The following PUM1 variants were observed in gnomAD, a reference collection of about 807,000 sequenced individuals.
PUM1 encodes pumilio homolog 1.
In PUM1, 13 loss-of-function variants were observed where a neutral mutation model predicts 131.8. The ratio of observed to expected loss-of-function variants is 0.10; its 90% CI spans 0.06 to 0.16. The LOEUF (loss-of-function observed/expected upper bound fraction) is 0.16. Among genes scored for constraint, PUM1 ranks in the 10% least tolerant of loss-of-function variants. The pLI is 1.00. For synonymous variants in PUM1, 509 were observed against 556.5 expected, an observed-to-expected ratio of 0.91 and a Z score of 1.20; for missense variants, 961 against 1,512.4, an observed-to-expected ratio of 0.64 and a Z score of 6.05.
intron 4 of PUM1, 136 bp from the exon 5 acceptor site, chr1:31,006,167 C>A: frequency 1.7e-6 from 1 of 604,314 alleles, no homozygotes; most frequent in Non-Finnish European, 2.8e-6. Context: ...TCATGTCCCT[C>A]ACTGTATGAT....
At chr1:31,034,368 C>G (rs1643536350) in intron 2 of PUM1, among the ~76,000 whole-genome samples, 1 of 152,088 alleles carries the variant, frequency 6.6e-6, no homozygotes, top group Non-Finnish European at 1.5e-5. Flanking sequence ...AACAAATGTA[C>G]AGGCTCACAC....
At chr1:31,055,082 C>T (rs905951988) in intron 2 of PUM1, among the ~76,000 whole-genome samples, 1 of 152,174 alleles carries the variant, frequency 6.6e-6, no homozygotes, top group Non-Finnish European at 1.5e-5. Flanking sequence ...TTTCCGTTAT[C>T]ATCAGTGGTT....
chr1:31,017,834 CAGT>C (rs1409757212), intron 3 of PUM1, among the ~76,000 whole-genome samples: 14 of 152,118 alleles, frequency 9.2e-5, no homozygotes, highest in Non-Finnish European at 1.8e-4. Flanking sequence ...CAATAGGCAA[CAGT>C]AGTAACATTA....
chr1:30,957,087 T>TACACACACACACAC (rs58044891), intron 14 of PUM1, among the ~76,000 whole-genome samples: 4,213 of 139,862 alleles, frequency 0.03, 89 homozygotes, highest in South Asian at 0.048. Flanking sequence ...AGGACATTCA[T>TACACACACACACAC]ACACACACAC....
intron 2 of PUM1, among the ~76,000 whole-genome samples, chr1:31,045,892 G>C (rs1285359123): frequency 2.6e-5 from 4 of 152,052 alleles, no homozygotes; most frequent in Non-Finnish European, 4.4e-5. Context: ...GACCAGCCTG[G>C]TCAACATGGC....
intron 4 of PUM1, among the ~76,000 whole-genome samples, chr1:31,006,660 G>C (rs1642410356): frequency 6.6e-6 from 1 of 152,172 alleles, no homozygotes. Context: ...GGGAGAAAAA[G>C]AAACATGAAC....
At chr1:31,042,364 G>T (rs892338174) in intron 2 of PUM1, among the ~76,000 whole-genome samples, 1 of 151,834 alleles carries the variant, frequency 6.6e-6, no homozygotes, top group Non-Finnish European at 1.5e-5. Flanking sequence ...ATTGCCTCTA[G>T]ATCTCATTGA....
chr1:30,936,866 T>G (rs889987766), intron 20 of PUM1, 31 bp from the exon 21 acceptor site: 1 of 1,541,028 alleles, frequency 6.5e-7, no homozygotes, highest in Admixed American at 1.8e-5. Context: ...GGACAACTCT[T>G]ACAAGAGAGG....
chr1:30,955,537 G>T lies in PUM1; in HGVS notation c.2324-1556C>A, dbSNP rs10914238. Among the ~76,000 whole-genome samples, 1,260 of 151,322 alleles carry T rather than the reference G, an allele frequency of 8.3e-3. 20 individuals carry two copies. The highest frequency in any genetic ancestry group is 0.029 in the African/African-American group (1,206 of 41,266). On this transcript the variant is annotated intron_variant, in intron 14 of 21. Coordinates refer to ENST00000426105, the MANE Select transcript of PUM1 (RefSeq NM_001020658.2). Reference sequence around the variant, plus strand: ...CTTATTTTATTTCATTTTAAATTTTGATTGCAATAGAAAAAAGATGCCAAG... The same window carrying T: ...CTTATTTTATTTCATTTTAAATTTTTATTGCAATAGAAAAAAGATGCCAAG...
chr1:31,054,947 G>T (rs549491090), intron 2 of PUM1, among the ~76,000 whole-genome samples: 3 of 152,058 alleles, frequency 2.0e-5, no homozygotes, highest in Non-Finnish European at 4.4e-5. Context: ...CAAAAACCAG[G>T]TATTACCTGG....
At chr1:30,999,381 C>A (rs144384071) in intron 5 of PUM1, among the ~76,000 whole-genome samples, 1 of 151,862 alleles carries the variant, frequency 6.6e-6, no homozygotes, top group African/African-American at 2.4e-5. Context: ...CCGAGGCAGG[C>A]GGATCACCTG....
At chr1:31,030,709 GA>G (rs11307831) in intron 2 of PUM1, among the ~76,000 whole-genome samples, 100,757 of 146,326 alleles carry the variant, frequency 0.69, 35,601 homozygotes, top group East Asian at 0.87. Context: ...ACAGTGTCCG[GA>G]AAAAAAAAAA....
At chr1:31,009,235 T>C (rs1642506968) in intron 3 of PUM1, among the ~76,000 whole-genome samples, 2 of 151,986 alleles carry the variant, frequency 1.3e-5, no homozygotes, top group African/African-American at 4.8e-5. Context: ...TCTTTCCTCA[T>C]TGGTTATACC....
chr1:30,965,970 T>C lies in PUM1; in HGVS notation c.2086+12A>G, dbSNP rs756533505. ...AAATTCAGTCTTAAGAGCATATCAG[T>C]CTAATTTCTACCTGCTGTTCCAAAC... On this transcript the variant is annotated intron_variant, in intron 13 of 21. Transcript: ENST00000426105. The C allele has an allele frequency of 6.9e-6, 11 of 1,603,904 alleles. No individual in the cohort carries two copies. The East Asian group carries it at 2.5e-4, about 36-fold the overall frequency.
chr1:31,040,932 T>G (rs919958614), intron 2 of PUM1, among the ~76,000 whole-genome samples: 3 of 152,048 alleles, frequency 2.0e-5, no homozygotes, highest in African/African-American at 7.2e-5. Flanking sequence ...AAAACATCAA[T>G]TTGGCAGTGG....
chr1:30,952,821 T>G (rs905147738), intron 15 of PUM1, among the ~76,000 whole-genome samples: 1 of 151,880 alleles, frequency 6.6e-6, no homozygotes, highest in Non-Finnish European at 1.5e-5. Context: ...CAGTCCTTAC[T>G]ATATTCTTTA....
At chr1:30,947,541 C>G (rs1328355766) in intron 17 of PUM1, among the ~76,000 whole-genome samples, 2 of 152,162 alleles carry the variant, frequency 1.3e-5, no homozygotes, top group African/African-American at 4.8e-5. Context: ...TTGACTGGAG[C>G]CCTTCCCCCA....
intron 7 of PUM1, among the ~76,000 whole-genome samples, chr1:30,989,788 T>C (rs1246639694): frequency 1.3e-5 from 2 of 152,062 alleles, no homozygotes; most frequent in African/African-American, 2.4e-5. Flanking sequence ...AGAAAGGGAA[T>C]CTTACTCTAT....
chr1:31,037,472 C>T (rs566503817), intron 2 of PUM1, among the ~76,000 whole-genome samples: 1 of 152,170 alleles, frequency 6.6e-6, no homozygotes, highest in South Asian at 2.1e-4. Flanking sequence ...TGCCTCCCAG[C>T]ACTTGGGAGG....
Sources: gnomAD v4.1 joint callset for allele counts (sites outside exome capture counted in the v4.1 genomes callset) on GRCh38, gnomAD v4.1.1 for gene constraint, MANE v1.5 for transcripts, NCBI Gene and HGNC (gene_info 2026-07-23, HGNC 2026-07-21) for gene names.